The following SLC4A5 variants were observed in gnomAD, a reference collection of about 807,000 sequenced individuals.
The protein encoded by SLC4A5 is solute carrier family 4 member 5, also known as electrogenic sodium bicarbonate cotransporter 4.
Under a neutral mutation model 120.4 loss-of-function variants are expected in SLC4A5, and 96 were observed. The ratio of observed to expected loss-of-function variants is 0.80; its 90% CI spans 0.68 to 0.94. The LOEUF is 0.94. Ranked by LOEUF, SLC4A5 falls within the 40% of genes least tolerant of loss-of-function variation. The pLI is 0.00. For missense variants in SLC4A5, 1,259 were observed against 1,459.5 expected (o/e 0.86, Z 2.24); for synonymous variants, 550 against 571.1 (o/e 0.96, Z 0.53).
intron 14 of SLC4A5, among the ~76,000 whole-genome samples, chr2:74,253,496 C>G (rs55867572): frequency 6.6e-6 from 1 of 152,308 alleles, no homozygotes; most frequent in Non-Finnish European, 1.5e-5. Flanking sequence ...TACTTCCAGC[C>G]CTTCGCCCTT....
chr2:74,329,078 T>C (rs1350983626), intron 4 of SLC4A5, among the ~76,000 whole-genome samples: 1 of 152,126 alleles, frequency 6.6e-6, no homozygotes, highest in Non-Finnish European at 1.5e-5. Flanking sequence ...GGCTGCTGGC[T>C]CTCTGCTGAC....
intron 8 of SLC4A5, among the ~76,000 whole-genome samples, chr2:74,284,598 G>A (rs956814340): frequency 6.6e-6 from 1 of 152,118 alleles, no homozygotes; most frequent in African/African-American, 2.4e-5. Context: ...AGAAATATCG[G>A]CAGTCTGTCT....
intron 7 of SLC4A5, among the ~76,000 whole-genome samples, chr2:74,290,920 C>T (rs1672147347): frequency 6.6e-6 from 1 of 152,036 alleles, no homozygotes; most frequent in Non-Finnish European, 1.5e-5. Context: ...GTAGGATGTG[C>T]TGTGAGATTC....
At chr2:74,236,420 AAGGTGAGGACCACTG>A (rs1183880520) in intron 21 of SLC4A5, among the ~76,000 whole-genome samples, 10 of 152,054 alleles carry the variant, frequency 6.6e-5, no homozygotes, top group Admixed American at 2.0e-4. Flanking sequence ...TCCATCTTGC[AAGGTGAGGACCACTG>A]CCTCTATCCT....
chr2:74,238,269 C>T (rs1046869387), intron 21 of SLC4A5, among the ~76,000 whole-genome samples: 5 of 152,106 alleles, frequency 3.3e-5, no homozygotes, highest in South Asian at 4.1e-4. Context: ...ATGAAGTATA[C>T]TGTATTCATA....
chr2:74,257,564 C>T (rs1472112228), intron 12 of SLC4A5, among the ~76,000 whole-genome samples: 2 of 152,116 alleles, frequency 1.3e-5, no homozygotes, highest in African/African-American at 2.4e-5. Context: ...CCCAACAAAC[C>T]CACTTGTTTT....
intron 6 of SLC4A5, among the ~76,000 whole-genome samples, chr2:74,309,748 C>T (rs539029016): frequency 1.6e-4 from 24 of 151,768 alleles, no homozygotes; most frequent in Non-Finnish European, 2.6e-4. Context: ...CTCTGCCTCC[C>T]GGGTTCACGC....
intron 21 of SLC4A5, among the ~76,000 whole-genome samples, chr2:74,236,117 T>C (rs1670262217): frequency 6.6e-6 from 1 of 152,186 alleles, no homozygotes; most frequent in South Asian, 2.1e-4. Context: ...CCTCCCCTTT[T>C]CTCAATCCAG....
chr2:74,316,465 G>A (rs57980131), intron 5 of SLC4A5, among the ~76,000 whole-genome samples: 13,589 of 152,024 alleles, frequency 0.089, 1,280 homozygotes, highest in East Asian at 0.36. Flanking sequence ...GACAGGATAG[G>A]AGGTCAGACA....
intron 8 of SLC4A5, among the ~76,000 whole-genome samples, chr2:74,266,303 G>A (rs1013836862): frequency 1.3e-5 from 2 of 152,030 alleles, no homozygotes; most frequent in African/African-American, 2.4e-5. Context: ...TTGAGACAGA[G>A]TCTCCCCCAG....
At chr2:74,331,418 G>A (rs1255345295) in intron 4 of SLC4A5, among the ~76,000 whole-genome samples, 3 of 146,120 alleles carry the variant, frequency 2.1e-5, no homozygotes, top group African/African-American at 5.1e-5. Flanking sequence ...GTGGCAAGGT[G>A]TAGATGGAGG....
At position 74,222,904 on chromosome 2, in the gene SLC4A5, G is replaced by A; in HGVS notation, c.3295C>T (p.Gln1099Ter). The A allele has an allele frequency of 6.2e-7, 1 of 1,613,672 alleles. No individual in the cohort carries two copies. The highest frequency in any genetic ancestry group is 2.2e-5 in the East Asian group (1 of 44,862). Reference sequence around the variant, plus strand: ...TGGATACCGTTTTGGGGATCTGATTGGACACTTTCCATGGGAATCTTTATA... The same window carrying A: ...TGGATACCGTTTTGGGGATCTGATTAGACACTTTCCATGGGAATCTTTATA... The change falls in exon 29 of 31, where the codon CAA (glutamine) becomes TAA (stop). Residue 1099 changes from glutamine to a stop codon, truncating the protein, a stop_gained. Coordinates refer to ENST00000394019, the Ensembl canonical transcript of SLC4A5. LOFTEE classifies it high-confidence loss of function.
chr2:74,326,537 T>G (rs1261064723), intron 5 of SLC4A5, among the ~76,000 whole-genome samples: 1 of 152,174 alleles, frequency 6.6e-6, no homozygotes, highest in Non-Finnish European at 1.5e-5. Context: ...AATCAACACC[T>G]GGGCCACGTG....
intron 28 of SLC4A5, 119 bp from the exon 29 acceptor site, chr2:74,223,071 C>G (rs1694713361): frequency 1.7e-6 from 1 of 582,430 alleles, no homozygotes. Context: ...GTGGTGCGAT[C>G]TCGGCTCACT....
intron 8 of SLC4A5, among the ~76,000 whole-genome samples, chr2:74,268,750 G>C (rs1210298562): frequency 2.0e-5 from 3 of 152,120 alleles, no homozygotes; most frequent in Non-Finnish European, 4.4e-5. Flanking sequence ...CCCAGACTTT[G>C]GTATTTTCAT....
intron 14 of SLC4A5, among the ~76,000 whole-genome samples, chr2:74,254,238 A>G (rs970487454): frequency 2.0e-5 from 3 of 152,066 alleles, no homozygotes; most frequent in Non-Finnish European, 4.4e-5. Context: ...CTGAGCCTAT[A>G]TCAAACCACC....
intron 8 of SLC4A5, among the ~76,000 whole-genome samples, chr2:74,282,540 T>C (rs1671845993): frequency 6.6e-6 from 1 of 152,238 alleles, no homozygotes; most frequent in Non-Finnish European, 1.5e-5. Flanking sequence ...AGATGGTAAC[T>C]GCCAGACCCC....
intron 25 of SLC4A5, 146 bp downstream of exon 25, chr2:74,231,090 A>G: frequency 3.1e-6 from 2 of 651,142 alleles, no homozygotes; most frequent in Non-Finnish European, 5.1e-6. Flanking sequence ...TATAGGTGTG[A>G]GCCACCATGC....
At chr2:74,329,371 C>T (rs1224705111) in intron 4 of SLC4A5, among the ~76,000 whole-genome samples, 3 of 152,096 alleles carry the variant, frequency 2.0e-5, no homozygotes, top group Admixed American at 1.3e-4. Flanking sequence ...GGGCAGATCA[C>T]CTGAGTTCAG....
Sources: allele counts gnomAD v4.1 joint callset (sites outside exome capture counted in the v4.1 genomes callset), GRCh38; gene constraint gnomAD v4.1.1; transcripts MANE v1.5; gene names NCBI Gene and HGNC (gene_info 2026-07-23, HGNC 2026-07-21).